The following METTL8 variants were observed in gnomAD, a reference collection of about 807,000 sequenced individuals.
METTL8 encodes methyltransferase 8, tRNA N3-cytidine.
In METTL8, 32 loss-of-function variants were observed where a neutral mutation model predicts 48.7. The ratio of observed to expected loss-of-function variants is 0.66; its 90% CI spans 0.50 to 0.88. METTL8 has a LOEUF of 0.88. METTL8 is among the 40% of genes least tolerant of loss of function. The pLI is 0.00. For synonymous variants in METTL8, 136 were observed against 157.1 expected (o/e 0.87, Z 1.01); for missense variants, 464 against 474.4 (o/e 0.98, Z 0.20).
At chr2:171,378,319 A>G (rs1047986342) in intron 2 of METTL8, among the ~76,000 whole-genome samples, 6 of 152,358 alleles carry the variant, frequency 3.9e-5, no homozygotes, top group Admixed American at 6.5e-5. Context: ...TTAAACCAAC[A>G]AAGATCAAAA....
At chr2:171,329,035 G>C (rs2105393073) in intron 7 of METTL8, among the ~76,000 whole-genome samples, 1 of 151,824 alleles carries the variant, frequency 6.6e-6, no homozygotes, top group South Asian at 2.1e-4. Context: ...GCCCAGGCTG[G>C]AGTGCAGTGG....
Position 171,404,052 on chromosome 2 carries a change from CATAT to C in METTL8, c.-12-11859_-12-11856del, listed in dbSNP as rs60563600. 9.3e-3 allele frequency among the ~76,000 whole-genome samples: 410 copies of C among 43,896 alleles called. 1 individual carries two copies. Among genetic ancestry groups the C allele is most frequent in the South Asian group, 0.013 (14 of 1,086 alleles). 28.8% of individuals were successfully genotyped at this position (43,896 alleles called of 152,430 possible). On this transcript the variant is annotated intron_variant, in intron 1 of 9. Coordinates refer to ENST00000375258, the MANE Select transcript of METTL8 (RefSeq NM_001321154.2). ...AAACCCTATACATACTATGCTTTCT[CATAT>C]ATATATATATATATATATATATATA...
intron 1 of METTL8, among the ~76,000 whole-genome samples, chr2:171,423,671 A>G (rs1692108602): frequency 1.3e-5 from 2 of 152,184 alleles, no homozygotes; most frequent in African/African-American, 4.8e-5. Context: ...TTTGAACTTG[A>G]GAGAGATGAT....
chr2:171,354,832 A>G (rs1263877397), intron 3 of METTL8, among the ~76,000 whole-genome samples: 2 of 151,286 alleles, frequency 1.3e-5, no homozygotes, highest in African/African-American at 2.4e-5. Flanking sequence ...GGACTTCTCT[A>G]CGCTGTTTAT....
chr2:171,363,583 A>G (rs886938946), intron 2 of METTL8, among the ~76,000 whole-genome samples: 6 of 151,708 alleles, frequency 4.0e-5, no homozygotes, highest in African/African-American at 1.2e-4. Flanking sequence ...AATTCTGTAC[A>G]GGGAAATATT....
chr2:171,429,805 A>G (rs1461250347), intron 1 of METTL8, among the ~76,000 whole-genome samples: 1 of 152,040 alleles, frequency 6.6e-6, no homozygotes, highest in African/African-American at 2.4e-5. Context: ...TTTGGGAGGC[A>G]GACGCAGGCA....
rs1170005399 is a variant in METTL8 at position 171,317,557 on chromosome 2, G to A, written c.*6615C>T. The A allele has an allele frequency of 6.6e-6, 1 of 152,224 alleles. No homozygotes were observed. Among genetic ancestry groups the A allele is most frequent in the Admixed American group, 6.5e-5 (1 of 15,284 alleles). 9.4% of individuals were successfully genotyped at this position (152,224 alleles called of 1,614,324 possible). A position where few individuals can be genotyped will look rare whatever the true frequency, so the allele number is the denominator to read the frequency against. On this transcript the variant is annotated 3_prime_UTR_variant, in exon 10 of 10. Transcript: ENST00000375258. Reference sequence around the variant, plus strand: ...TGGGATGCCAAGGACACAGCTAGCTGGACACTATTTGAAGTCTATGTGCTC... The same window carrying A: ...TGGGATGCCAAGGACACAGCTAGCTAGACACTATTTGAAGTCTATGTGCTC...
chr2:171,330,750 G>T, intron 6 of METTL8, 52 bp from the exon 7 acceptor site: 2 of 1,463,990 alleles, frequency 1.4e-6, no homozygotes, highest in African/African-American at 1.5e-5. Context: ...AGACTTCCGG[G>T]ATTTTTTTTT....
chr2:171,344,854 G>A (rs775671349), intron 3 of METTL8, among the ~76,000 whole-genome samples: 11 of 152,194 alleles, frequency 7.2e-5, no homozygotes, highest in Non-Finnish European at 1.2e-4. Context: ...CACCTTCAGT[G>A]TATGATTTAA....
At chr2:171,413,534 A>G (rs536699272) in intron 1 of METTL8, among the ~76,000 whole-genome samples, 1 of 152,234 alleles carries the variant, frequency 6.6e-6, no homozygotes, top group Non-Finnish European at 1.5e-5. Flanking sequence ...CTTATTTTTA[A>G]ATCACTTAAT....
chr2:171,418,203 A>C (rs933111263), intron 1 of METTL8, among the ~76,000 whole-genome samples: 8 of 152,192 alleles, frequency 5.3e-5, no homozygotes, highest in Non-Finnish European at 1.2e-4. Context: ...TCAATCTCCC[A>C]AAGTGCTGGG....
chr2:171,375,203 A>G lies in METTL8; in HGVS notation c.144-14690T>C, dbSNP rs115552022. ...TTGTCCTTGGGCACGCATCGGGTAC[A>G]GTTAGTGCAGCGAATAGGATGCACG... On this transcript the variant is annotated intron_variant, in intron 2 of 9. Transcript: ENST00000375258. The G allele has an allele frequency of 2.9e-6, 4 of 1,381,622 alleles. No homozygotes were observed. In the African/African-American group the frequency reaches 5.6e-5, roughly 20 times the overall value. 85.6% of individuals were successfully genotyped at this position (1,381,622 alleles called of 1,614,324 possible).
At chr2:171,361,484 C>T (rs149192942) in intron 2 of METTL8, among the ~76,000 whole-genome samples, 2 of 151,930 alleles carry the variant, frequency 1.3e-5, no homozygotes, top group East Asian at 1.9e-4. Flanking sequence ...ATGCTGTGAC[C>T]GACAAACATT....
At chr2:171,388,500 C>CTA (rs1688287887) in intron 2 of METTL8, among the ~76,000 whole-genome samples, 8 of 152,166 alleles carry the variant, frequency 5.3e-5, no homozygotes, top group African/African-American at 1.9e-4. Context: ...CCTTATATTT[C>CTA]CTCATCTCAG....
chr2:171,396,169 C>T (rs1423950515), intron 1 of METTL8, among the ~76,000 whole-genome samples: 1 of 151,690 alleles, frequency 6.6e-6, no homozygotes, highest in Non-Finnish European at 1.5e-5. Flanking sequence ...AGCTGAGGCA[C>T]AAGAATCACT....
intron 1 of METTL8, among the ~76,000 whole-genome samples, chr2:171,413,677 C>T (rs1690982013): frequency 6.6e-6 from 1 of 152,012 alleles, no homozygotes. Context: ...TTCTTTGGAG[C>T]CTTTATAATT....
chr2:171,354,373 T>C (rs1318896396), intron 3 of METTL8, among the ~76,000 whole-genome samples: 2 of 152,220 alleles, frequency 1.3e-5, no homozygotes, highest in East Asian at 3.8e-4. Flanking sequence ...CTGACCTTTC[T>C]CTCTGGCTGC....
chr2:171,329,978 T>C (rs1464434670), intron 7 of METTL8, among the ~76,000 whole-genome samples: 1 of 152,234 alleles, frequency 6.6e-6, no homozygotes, highest in Non-Finnish European at 1.5e-5. Flanking sequence ...AAAAGCTATG[T>C]TTATAGTTTT....
chr2:171,378,629 T>TA (rs1687210707), intron 2 of METTL8, among the ~76,000 whole-genome samples: 1 of 151,318 alleles, frequency 6.6e-6, no homozygotes, highest in Non-Finnish European at 1.5e-5. Context: ...AGACTCCATC[T>TA]AAAAAAATAA....
Sources: gnomAD v4.1 joint callset for allele counts (sites outside exome capture counted in the v4.1 genomes callset) on GRCh38, gnomAD v4.1.1 for gene constraint, MANE v1.5 for transcripts, NCBI Gene and HGNC (gene_info 2026-07-23, HGNC 2026-07-21) for gene names.